SLC44A5: variants seen among roughly 807,000 people sequenced by gnomAD.
SLC44A5 encodes the protein choline transporter-like protein 5.
A neutral mutation model predicts 101.8 loss-of-function variants in SLC44A5; 57 were observed. The ratio of observed to expected loss-of-function variants is 0.56; its 90% CI spans 0.45 to 0.70. The LOEUF is 0.70. Among genes scored for constraint, SLC44A5 ranks in the 30% least tolerant of loss-of-function variants. The pLI, the probability that SLC44A5 is intolerant of heterozygous loss-of-function variation, is 0.00. For missense variants in SLC44A5, 737 were observed against 853.1 expected, an observed-to-expected ratio of 0.86 and a Z score of 1.70; for synonymous variants, 281 against 290.9, an observed-to-expected ratio of 0.97 and a Z score of 0.35.
intron 4 of SLC44A5, among the ~76,000 whole-genome samples, chr1:75,330,150 CGTAT>C (rs1557669663): frequency 1.8e-3 from 120 of 68,172 alleles, no homozygotes; most frequent in South Asian, 0.015. Context: ...CATGCATATA[CGTAT>C]ATGCATATAT....
chr1:75,717,917 G>A, the SLC44A5 span, among the ~76,000 whole-genome samples: 1 of 152,196 alleles, frequency 6.6e-6, no homozygotes, highest in Non-Finnish European at 1.5e-5. Context: ...CTGAGGTAAT[G>A]TTGAGGTGGT....
intron 3 of SLC44A5, among the ~76,000 whole-genome samples, chr1:75,351,020 A>G (rs1658614820): frequency 6.6e-6 from 1 of 151,622 alleles, no homozygotes; most frequent in Non-Finnish European, 1.5e-5. Context: ...ATTATAGTAA[A>G]ATATATTACT....
chr1:75,697,908 T>C, the SLC44A5 span, among the ~76,000 whole-genome samples: 2 of 152,174 alleles, frequency 1.3e-5, no homozygotes, highest in South Asian at 4.1e-4. Context: ...ACCTGGAAAA[T>C]CGGGTCACTC....
At chr1:75,545,119 G>A (rs11163638) in intron 1 of SLC44A5, among the ~76,000 whole-genome samples, 49,114 of 151,776 alleles carry the variant, frequency 0.32, 8,755 homozygotes, top group Non-Finnish European at 0.42. Flanking sequence ...TTGGTTTTCC[G>A]TTCTTGTGAT....
intron 12 of SLC44A5, 44 bp downstream of exon 12, chr1:75,233,942 G>T: frequency 2.2e-6 from 3 of 1,366,280 alleles, no homozygotes; most frequent in South Asian, 1.2e-5. Flanking sequence ...GAAAATAAAA[G>T]GATTATTCTG....
At chr1:75,694,742 G>A in the SLC44A5 span, among the ~76,000 whole-genome samples, 1 of 152,124 alleles carries the variant, frequency 6.6e-6, no homozygotes, top group African/African-American at 2.4e-5. Flanking sequence ...TGTCTTTAAA[G>A]TTGTATCAAG....
At chr1:75,484,114 A>C (rs1429914997) in intron 2 of SLC44A5, among the ~76,000 whole-genome samples, 1 of 152,186 alleles carries the variant, frequency 6.6e-6, no homozygotes, top group African/African-American at 2.4e-5. Flanking sequence ...GGCCCCTCCA[A>C]AATCTCATGT....
the SLC44A5 span, among the ~76,000 whole-genome samples, chr1:75,639,534 T>A: frequency 6.6e-6 from 1 of 152,118 alleles, no homozygotes; most frequent in Non-Finnish European, 1.5e-5. Flanking sequence ...CCGATAAGCC[T>A]CTGAGCCCTT....
At chr1:75,723,170 T>C in the SLC44A5 span, among the ~76,000 whole-genome samples, 8 of 152,230 alleles carry the variant, frequency 5.3e-5, no homozygotes, top group African/African-American at 1.9e-4. Context: ...AGGGTGCACG[T>C]GTCAGGTTAT....
intron 6 of SLC44A5, among the ~76,000 whole-genome samples, chr1:75,257,568 C>T (rs201347315): frequency 2.0e-5 from 3 of 152,092 alleles, no homozygotes; most frequent in African/African-American, 7.2e-5. Context: ...TGAGAGACCC[C>T]TAGTGGTCCA....
chr1:75,650,529 A>G, the SLC44A5 span, among the ~76,000 whole-genome samples: 1 of 152,228 alleles, frequency 6.6e-6, no homozygotes. Flanking sequence ...TGTAGACTTC[A>G]TCAATCTGCC....
intron 2 of SLC44A5, among the ~76,000 whole-genome samples, chr1:75,405,311 A>G (rs1197938162): frequency 1.3e-5 from 2 of 152,216 alleles, no homozygotes; most frequent in Admixed American, 1.3e-4. Flanking sequence ...ACAGAAAATT[A>G]ACAATGATAT....
At chr1:75,635,260 G>A in the SLC44A5 span, among the ~76,000 whole-genome samples, 10,392 of 149,738 alleles carry the variant, frequency 0.069, 580 homozygotes, top group East Asian at 0.25. Flanking sequence ...GCGATTCCTC[G>A]GGGATCTAGA....
intron 5 of SLC44A5, among the ~76,000 whole-genome samples, chr1:75,283,611 A>G (rs940306404): frequency 3.9e-5 from 6 of 152,150 alleles, no homozygotes; most frequent in Non-Finnish European, 5.9e-5. Flanking sequence ...GTTATATTCT[A>G]GAATTTTTAT....
intron 1 of SLC44A5, among the ~76,000 whole-genome samples, chr1:75,558,340 T>C (rs1469462087): frequency 2.6e-5 from 4 of 152,118 alleles, no homozygotes; most frequent in African/African-American, 9.7e-5. Flanking sequence ...AAAGATCAAG[T>C]GTGTTGGTTA....
intron 6 of SLC44A5, among the ~76,000 whole-genome samples, chr1:75,263,488 T>G (rs1201960181): frequency 6.6e-6 from 1 of 152,146 alleles, no homozygotes; most frequent in Non-Finnish European, 1.5e-5. Flanking sequence ...CAACAGATGC[T>G]GGAGAGGATG....
At chr1:75,294,560 C>T (rs868508594) in intron 5 of SLC44A5, among the ~76,000 whole-genome samples, 1 of 151,952 alleles carries the variant, frequency 6.6e-6, no homozygotes, top group Admixed American at 6.6e-5. Context: ...TTCACAATAG[C>T]CAAGATTTGG....
the SLC44A5 span, among the ~76,000 whole-genome samples, chr1:75,664,101 C>A: frequency 7.5e-6 from 1 of 134,060 alleles, no homozygotes; most frequent in Non-Finnish European, 1.7e-5. Flanking sequence ...TTGATAAAAT[C>A]CAACATCCCT....
chr1:75,477,627 TG>T (rs1667515357), intron 2 of SLC44A5, among the ~76,000 whole-genome samples: 1 of 152,144 alleles, frequency 6.6e-6, no homozygotes, highest in Non-Finnish European at 1.5e-5. Flanking sequence ...GGAGCCGATG[TG>T]ATCAACTGGA....
Sources: allele counts gnomAD v4.1 joint callset (sites outside exome capture counted in the v4.1 genomes callset), GRCh38; gene constraint gnomAD v4.1.1; transcripts MANE v1.5; gene names NCBI Gene and HGNC (gene_info 2026-07-23, HGNC 2026-07-21).